PCTP: variants seen among roughly 807,000 people sequenced by gnomAD.
PCTP encodes START domain-containing protein 2.
Under a neutral mutation model 31.0 loss-of-function variants are expected in PCTP, and 27 were observed. That is an observed-to-expected ratio of 0.87 (90% CI 0.64 to 1.20). The LOEUF is 1.20. PCTP is among the 50% of genes most tolerant of loss of function. PCTP has a pLI of 0.00. For synonymous variants in PCTP, 108 were observed against 101.2 expected (o/e 1.07, Z -0.40); for missense variants, 287 against 268.2 (o/e 1.07, Z -0.49).
chr17:55,800,488 AG>A (rs1397731250), intron 3 of PCTP, among the ~76,000 whole-genome samples: 1 of 151,828 alleles, frequency 6.6e-6, no homozygotes, highest in African/African-American at 2.4e-5. Flanking sequence ...TCTTTTTTCA[AG>A]ATTCCTAGCT....
intron 5 of PCTP, among the ~76,000 whole-genome samples, chr17:55,831,884 A>G (rs1271260366): frequency 2.0e-5 from 3 of 152,140 alleles, no homozygotes; most frequent in Non-Finnish European, 4.4e-5. Flanking sequence ...TATCGAGATC[A>G]TCCTGGCTAA....
At chr17:55,837,729 C>T (rs148973806) in intron 5 of PCTP, among the ~76,000 whole-genome samples, 14 of 152,026 alleles carry the variant, frequency 9.2e-5, no homozygotes, top group Non-Finnish European at 1.9e-4. Context: ...TAACCATCTT[C>T]TGACAGAGCC....
At chr17:55,753,679 C>G (rs1169718416) in intron 1 of PCTP, among the ~76,000 whole-genome samples, 1 of 152,188 alleles carries the variant, frequency 6.6e-6, no homozygotes, top group Non-Finnish European at 1.5e-5. Flanking sequence ...ACTCACATTT[C>G]CATCATTCTC....
intron 3 of PCTP, among the ~76,000 whole-genome samples, chr17:55,818,872 A>G (rs1913015899): frequency 6.6e-6 from 1 of 152,018 alleles, no homozygotes; most frequent in Non-Finnish European, 1.5e-5. Flanking sequence ...CAGCAAGGGC[A>G]CGGTCAGAAG....
At chr17:55,850,503 A>G in the PCTP span, among the ~76,000 whole-genome samples, 8 of 152,204 alleles carry the variant, frequency 5.3e-5, no homozygotes, top group Admixed American at 5.2e-4. Context: ...GACATTATAC[A>G]TTTTTGGAGA....
downstream of PCTP, among the ~76,000 whole-genome samples, chr17:55,823,355 C>T (rs1361743656): frequency 2.0e-5 from 3 of 152,210 alleles, no homozygotes; most frequent in East Asian, 5.8e-4. Flanking sequence ...ATTCTACACC[C>T]AAAGTTAAAA....
chr17:55,775,258 A>G, intron 5 of PCTP: 1 of 1,233,962 alleles, frequency 8.1e-7, no homozygotes, highest in Non-Finnish European at 1.0e-6. Flanking sequence ...GCCTGAGGAA[A>G]GCTTCCACTT....
At chr17:55,770,777 C>T (rs968239675) in intron 2 of PCTP, 1 of 185,502 alleles carries the variant, frequency 5.4e-6, no homozygotes, top group Non-Finnish European at 1.1e-5. Flanking sequence ...TGCAGTGGTG[C>T]AATCATGGCT....
At chr17:55,828,313 G>A (rs748409900) in intron 5 of PCTP, among the ~76,000 whole-genome samples, 2 of 152,158 alleles carry the variant, frequency 1.3e-5, no homozygotes, top group East Asian at 1.9e-4. Flanking sequence ...ATCTGAAACC[G>A]AGGTGTCAGC....
downstream of PCTP, among the ~76,000 whole-genome samples, chr17:55,847,359 C>A (rs1444747905): frequency 6.6e-6 from 1 of 152,204 alleles, no homozygotes; most frequent in Non-Finnish European, 1.5e-5. Flanking sequence ...TGCTTGTAAT[C>A]CCCAGGTATT....
At chr17:55,779,218 A>G (rs146688285), downstream of PCTP, among the ~76,000 whole-genome samples, 1 of 152,354 alleles carries the variant, frequency 6.6e-6, no homozygotes, top group East Asian at 1.9e-4. Flanking sequence ...TGAATGAGAA[A>G]GATATGGTGC....
chr17:55,787,444 C>G (rs1186124587), intron 2 of PCTP: 1 of 151,974 alleles, frequency 6.6e-6, no homozygotes, highest in African/African-American at 2.4e-5. Flanking sequence ...AACTTCACCT[C>G]CTGGGTTCAA....
intron 3 of PCTP, among the ~76,000 whole-genome samples, chr17:55,809,160 A>C (rs1471889584): frequency 6.6e-6 from 1 of 152,210 alleles, no homozygotes; most frequent in Non-Finnish European, 1.5e-5. Flanking sequence ...CTGACATGAA[A>C]AAATAATATT....
chr17:55,834,282 C>T (rs896057418), intron 5 of PCTP, among the ~76,000 whole-genome samples: 9 of 152,130 alleles, frequency 5.9e-5, no homozygotes, highest in Admixed American at 4.6e-4. Context: ...TGATTTGCTG[C>T]ACCTATCAAC....
intron 5 of PCTP, among the ~76,000 whole-genome samples, chr17:55,838,491 C>T (rs1392060826): frequency 6.6e-6 from 1 of 152,190 alleles, no homozygotes; most frequent in Non-Finnish European, 1.5e-5. Context: ...GCTCCATGTT[C>T]GTGCTTGTTG....
intron 3 of PCTP, among the ~76,000 whole-genome samples, chr17:55,800,218 TG>T (rs966306829): frequency 4.6e-5 from 7 of 152,094 alleles, no homozygotes; most frequent in Non-Finnish European, 8.8e-5. Context: ...ACCAATCAAA[TG>T]GGGGTTTGGT....
chr17:55,796,239 G>C (rs1912184343), intron 3 of PCTP, among the ~76,000 whole-genome samples: 1 of 151,978 alleles, frequency 6.6e-6, no homozygotes, highest in Admixed American at 6.6e-5. Context: ...CACTCAACTA[G>C]TGAGCTATTA....
downstream of PCTP, among the ~76,000 whole-genome samples, chr17:55,780,627 G>A (rs1005145073): frequency 3.3e-5 from 5 of 152,198 alleles, no homozygotes; most frequent in South Asian, 1.0e-3. Context: ...GGCATGACAT[G>A]TAGAAAACTT....
chr17:55,846,085 T>C (rs373774945), downstream of PCTP, among the ~76,000 whole-genome samples: 15 of 152,248 alleles, frequency 9.9e-5, no homozygotes, highest in African/African-American at 3.4e-4. Context: ...GTCTCCTGCA[T>C]CTCTGACATT....
Sources: gnomAD v4.1 joint callset for allele counts (sites outside exome capture counted in the v4.1 genomes callset) on GRCh38, gnomAD v4.1.1 for gene constraint, MANE v1.5 for transcripts, NCBI Gene and HGNC (gene_info 2026-07-23, HGNC 2026-07-21) for gene names.